Variants in COL4A4 observed in about 807,000 individuals in gnomAD.
COL4A4 encodes the protein collagen type IV alpha 4 chain.
Under a neutral mutation model 192.9 loss-of-function variants are expected in COL4A4, and 105 were observed. That is an observed-to-expected ratio of 0.54 (90% CI 0.46 to 0.64). The LOEUF (loss-of-function observed/expected upper bound fraction) is 0.64. Ranked by LOEUF, COL4A4 falls within the 30% of genes least tolerant of loss-of-function variation. The pLI is 0.00. For missense variants in COL4A4, 1,967 were observed against 2,169.3 expected (o/e 0.91, Z 1.85); for synonymous variants, 762 against 769.9 (o/e 0.99, Z 0.17).
intron 25 of COL4A4, among the ~76,000 whole-genome samples, chr2:227,077,138 G>A (rs945865736): frequency 2.0e-5 from 3 of 151,950 alleles, no homozygotes; most frequent in African/African-American, 7.3e-5. Flanking sequence ...CCCATTACTA[G>A]GTATATACCC....
intron 19 of COL4A4, among the ~76,000 whole-genome samples, chr2:227,094,842 C>T (rs2060126241): frequency 6.6e-6 from 1 of 152,058 alleles, no homozygotes; most frequent in African/African-American, 2.4e-5. Flanking sequence ...TTTTATATGT[C>T]AGTGATATCT....
At chr2:227,081,525 G>A (rs1576374841) in intron 23 of COL4A4, among the ~76,000 whole-genome samples, 1 of 152,132 alleles carries the variant, frequency 6.6e-6, no homozygotes, top group African/African-American at 2.4e-5. Flanking sequence ...TCAAAAGTAG[G>A]AAAGCCACTA....
Position 227,008,235 on chromosome 2 carries a change from C to T in COL4A4, c.4592G>A (p.Cys1531Tyr). 1 of 1,614,216 alleles carries T rather than the reference C, an allele frequency of 6.2e-7. No homozygotes were observed. Among genetic ancestry groups the T allele is most frequent in the Middle Eastern group, 1.7e-4 (1 of 6,060 alleles). Residue 1531 changes from cysteine to tyrosine, a missense_variant, in exon 47 of 48, where the codon TGC (cysteine) becomes TAC (tyrosine). Coordinates refer to ENST00000396625, the MANE Select transcript of COL4A4 (RefSeq NM_000092.5). ...PFAYCNIHQV[C>Y]HYAQRNDRSY... ...TCTGTCGTTTCTCTGGGCATAGTGG[C>T]ACACCTGGTGGATGTTGCAGTAGGC...
intron 25 of COL4A4, among the ~76,000 whole-genome samples, chr2:227,064,230 G>A (rs966250917): frequency 6.6e-6 from 1 of 152,008 alleles, no homozygotes; most frequent in Non-Finnish European, 1.5e-5. Context: ...AAACTAATCC[G>A]AACTTTGACA....
chr2:227,102,570 C>A (rs1316712634), intron 15 of COL4A4, among the ~76,000 whole-genome samples: 1 of 152,186 alleles, frequency 6.6e-6, no homozygotes, highest in East Asian at 1.9e-4. Flanking sequence ...TCACTTTTCC[C>A]AAATTCTTCT....
chr2:227,047,916 A>ATTTT (rs1263428062), intron 34 of COL4A4, among the ~76,000 whole-genome samples: 2 of 152,308 alleles, frequency 1.3e-5, no homozygotes, highest in East Asian at 3.9e-4. Flanking sequence ...AAAATCAAAA[A>ATTTT]TTGTAACTGT....
At chr2:227,080,298 T>A (rs2059253728) in intron 24 of COL4A4, 145 bp downstream of exon 24, 1 of 767,354 alleles carries the variant, frequency 1.3e-6, no homozygotes, top group Non-Finnish European at 2.3e-6. Context: ...CATCTTTCCA[T>A]GTCAGGGTGC....
chr2:227,066,866 A>G (rs1255656600), intron 25 of COL4A4, among the ~76,000 whole-genome samples: 2 of 151,938 alleles, frequency 1.3e-5, no homozygotes, highest in Non-Finnish European at 2.9e-5. Context: ...AAACATAACA[A>G]TATTAACTTT....
intron 1 of COL4A4, among the ~76,000 whole-genome samples, chr2:227,158,414 G>A (rs1028660663): frequency 6.6e-6 from 1 of 152,010 alleles, no homozygotes; most frequent in Non-Finnish European, 1.5e-5. Flanking sequence ...TGCAATTTTG[G>A]CATAGGTATA....
At chr2:226,978,342 C>A in the COL4A4 span, among the ~76,000 whole-genome samples, 2 of 152,094 alleles carry the variant, frequency 1.3e-5, no homozygotes, top group Non-Finnish European at 2.9e-5. Context: ...TTTTGCCAAG[C>A]CACTAGTTGG....
intron 44 of COL4A4, among the ~76,000 whole-genome samples, chr2:227,018,786 C>A (rs1965434326): frequency 6.6e-6 from 1 of 152,106 alleles, no homozygotes; most frequent in Non-Finnish European, 1.5e-5. Flanking sequence ...CAGGGAAGGC[C>A]CTCCTGTGGC....
rs1254669599 is a variant in COL4A4 at position 227,146,360 on chromosome 2, A to G, written c.71+1053T>C. ...CTTCCACGTCCACCCCAAATCAGTT[A>G]AGACTGGACCATATTCCTTCCCACC... On this transcript the variant is annotated intron_variant, in intron 2 of 47. Transcript: ENST00000396625. Among the ~76,000 whole-genome samples, 6 of 151,862 alleles carry G rather than the reference A, an allele frequency of 4.0e-5. No homozygotes were observed. The East Asian group carries it at 7.7e-4, about 19-fold the overall frequency.
At chr2:227,069,207 G>C (rs1022719871) in intron 25 of COL4A4, among the ~76,000 whole-genome samples, 5 of 147,854 alleles carry the variant, frequency 3.4e-5, no homozygotes, top group Non-Finnish European at 6.0e-5. Context: ...ACTGCTCAAG[G>C]AAATAAAAGA....
At chr2:227,163,560 A>G (rs894630568) in intron 1 of COL4A4, among the ~76,000 whole-genome samples, 1 of 152,254 alleles carries the variant, frequency 6.6e-6, no homozygotes, top group African/African-American at 2.4e-5. Context: ...GTAGCACAGG[A>G]AACGGCGAGA....
intron 37 of COL4A4, among the ~76,000 whole-genome samples, chr2:227,035,863 C>A (rs1220016976): frequency 1.3e-5 from 2 of 152,194 alleles, no homozygotes; most frequent in Non-Finnish European, 2.9e-5. Flanking sequence ...GTCACATCAA[C>A]ACATCCAGAT....
Position 227,118,638 on chromosome 2 carries a change from A to G in COL4A4, c.489+7T>C. On this transcript the variant is annotated splice_region_variant and intron_variant, in intron 7 of 47. Coordinates refer to ENST00000396625, the MANE Select transcript of COL4A4 (RefSeq NM_000092.5). Reference sequence around the variant, plus strand: ...ATTCCTGTTAAGATGAACTGTGGGTATCTTACTAGGGGGCCTCCTGGGCCA... The same window carrying G: ...ATTCCTGTTAAGATGAACTGTGGGTGTCTTACTAGGGGGCCTCCTGGGCCA... The G allele has an allele frequency of 6.3e-7, 1 of 1,597,776 alleles. No individual in the cohort carries two copies. Among genetic ancestry groups the G allele is most frequent in the Non-Finnish European group, 8.6e-7 (1 of 1,165,280 alleles).
the COL4A4 span, among the ~76,000 whole-genome samples, chr2:226,967,428 C>T: frequency 2.0e-5 from 3 of 151,946 alleles, no homozygotes; most frequent in Non-Finnish European, 4.4e-5. Context: ...TACATGTGCA[C>T]AATGTGCAGG....
the COL4A4 span, chr2:226,988,539 G>A: frequency 6.9e-7 from 1 of 1,452,310 alleles, no homozygotes; most frequent in South Asian, 1.5e-5. Flanking sequence ...ACTGTGCCAG[G>A]CTGGCCCTCT....
At chr2:226,983,822 G>A in the COL4A4 span, among the ~76,000 whole-genome samples, 4 of 152,104 alleles carry the variant, frequency 2.6e-5, no homozygotes, top group Non-Finnish European at 5.9e-5. Flanking sequence ...CCATCTCTCT[G>A]GTTTGAAACT....
Sources: gnomAD v4.1 joint callset for allele counts (sites outside exome capture counted in the v4.1 genomes callset) on GRCh38, gnomAD v4.1.1 for gene constraint, MANE v1.5 for transcripts, NCBI Gene and HGNC (gene_info 2026-07-23, HGNC 2026-07-21) for gene names.